The following RALYL variants were observed in gnomAD, a reference collection of about 807,000 sequenced individuals.
RALYL encodes the protein RALY RNA binding protein like.
Under a neutral mutation model 35.1 loss-of-function variants are expected in RALYL, and 29 were observed. That is an observed-to-expected ratio of 0.83 (90% confidence interval 0.61 to 1.13). The LOEUF (loss-of-function observed/expected upper bound fraction) is 1.13, where lower values mean the gene tolerates loss of function less well. RALYL is among the 50% of genes most tolerant of loss of function. The pLI, the probability that RALYL is intolerant of heterozygous loss-of-function variation, is 0.00. For synonymous variants in RALYL, 120 were observed against 127.6 expected (o/e 0.94, Z 0.40); for missense variants, 359 against 360.4 (o/e 1.00, Z 0.03).
intron 1 of RALYL, among the ~76,000 whole-genome samples, chr8:84,487,042 T>G (rs1048682173): frequency 2.6e-5 from 4 of 152,030 alleles, no homozygotes; most frequent in African/African-American, 9.7e-5. Context: ...CTGTGCCAAG[T>G]GGGTTTAAAG....
intron 1 of RALYL, among the ~76,000 whole-genome samples, chr8:84,493,659 T>C (rs2055610595): frequency 6.6e-6 from 1 of 152,218 alleles, no homozygotes; most frequent in South Asian, 2.1e-4. Context: ...ATTTCCCTAA[T>C]GATAAGTGCT....
chr8:84,806,843 C>T (rs1824749336), intron 4 of RALYL, among the ~76,000 whole-genome samples: 1 of 152,078 alleles, frequency 6.6e-6, no homozygotes, highest in Non-Finnish European at 1.5e-5. Flanking sequence ...GAAACATCAT[C>T]TCTACAAAAA....
At chr8:84,657,868 C>T (rs749013721) in intron 2 of RALYL, among the ~76,000 whole-genome samples, 3 of 152,090 alleles carry the variant, frequency 2.0e-5, no homozygotes, top group Non-Finnish European at 4.4e-5. Flanking sequence ...GGAGATAGTT[C>T]ACCGTTTGAT....
intron 2 of RALYL, among the ~76,000 whole-genome samples, chr8:84,715,935 T>C (rs1286434130): frequency 6.6e-6 from 1 of 152,120 alleles, no homozygotes; most frequent in African/African-American, 2.4e-5. Context: ...TCATTTGTAT[T>C]TAAAATAAAA....
intron 1 of RALYL, among the ~76,000 whole-genome samples, chr8:84,310,229 A>T (rs1842512780): frequency 1.3e-5 from 2 of 151,348 alleles, no homozygotes; most frequent in South Asian, 4.2e-4. Flanking sequence ...TTTTGTAGAG[A>T]TGGGTTTCAC....
rs956771726 is a variant in RALYL at position 84,186,067 on chromosome 8, C to T, written c.-24+1643C>T. 5.3e-5 allele frequency among the ~76,000 whole-genome samples: 8 copies of T among 152,174 alleles called. No individual in the cohort carries two copies. The South Asian group carries it at 8.3e-4, about 16-fold the overall frequency. On this transcript the variant is annotated intron_variant, in intron 1 of 8. Transcript: ENST00000521268. ...TTGGACATTTCATTGTATTTCCTGG[C>T]GGGGAAATACAATGTATGTGAGTTA...
chr8:84,867,985 A>G (rs568136339), intron 6 of RALYL, among the ~76,000 whole-genome samples: 56 of 152,294 alleles, frequency 3.7e-4, no homozygotes, highest in Non-Finnish European at 6.8e-4. Context: ...GAACATTTTT[A>G]CTATTTCTCT....
chr8:84,265,864 C>A (rs1833199455), intron 1 of RALYL, among the ~76,000 whole-genome samples: 2 of 152,148 alleles, frequency 1.3e-5, no homozygotes, highest in South Asian at 4.1e-4. Context: ...TGAGATATTG[C>A]AATATTTGAG....
intron 2 of RALYL, among the ~76,000 whole-genome samples, chr8:84,552,631 C>T (rs2060824968): frequency 6.6e-6 from 1 of 151,696 alleles, no homozygotes; most frequent in Admixed American, 6.6e-5. Flanking sequence ...TTTGACCCTA[C>T]TTAGTCTTAG....
At chr8:84,193,755 A>T (rs1470981495) in intron 1 of RALYL, among the ~76,000 whole-genome samples, 1 of 152,238 alleles carries the variant, frequency 6.6e-6, no homozygotes, top group Non-Finnish European at 1.5e-5. Flanking sequence ...TAGTCAACAC[A>T]GTTACATCAC....
chr8:84,770,370 G>A (rs953628742), intron 2 of RALYL, among the ~76,000 whole-genome samples: 13 of 151,856 alleles, frequency 8.6e-5, no homozygotes, highest in African/African-American at 2.4e-4. Context: ...GCAAATGGCA[G>A]TAATTTGTTC....
chr8:84,517,118 C>A (rs1330571839), intron 1 of RALYL, among the ~76,000 whole-genome samples: 1 of 152,090 alleles, frequency 6.6e-6, no homozygotes, highest in Non-Finnish European at 1.5e-5. Flanking sequence ...AACACTGTTA[C>A]CTGAGTGCAT....
intron 4 of RALYL, 23 bp downstream of exon 4, chr8:84,804,825 T>A: frequency 9.8e-7 from 1 of 1,025,020 alleles, no homozygotes; most frequent in Non-Finnish European, 1.3e-6. Flanking sequence ...TTAAATACTT[T>A]AAGTATTAAT....
At chr8:84,784,992 G>A (rs957198588) in intron 3 of RALYL, among the ~76,000 whole-genome samples, 4 of 151,974 alleles carry the variant, frequency 2.6e-5, no homozygotes, top group Non-Finnish European at 5.9e-5. Context: ...CCAACTCTGA[G>A]AGTTGACATC....
chr8:84,660,665 A>C (rs1007980709), intron 2 of RALYL, among the ~76,000 whole-genome samples: 5 of 151,976 alleles, frequency 3.3e-5, no homozygotes, highest in Non-Finnish European at 5.9e-5. Flanking sequence ...TTCAACTTAA[A>C]GATACCTTTT....
rs148366993 is a variant in RALYL at position 84,524,776 on chromosome 8, G to A, written c.-23-4523G>A. On this transcript the variant is annotated intron_variant, in intron 1 of 8. Coordinates refer to ENST00000521268, the MANE Select transcript of RALYL (RefSeq NM_173848.7). Reference sequence around the variant, plus strand: ...ATTTTACAGAGCATTTACCACCTCAGCCTGATATTTCCGGAATGAACCCTT... The same window carrying A: ...ATTTTACAGAGCATTTACCACCTCAACCTGATATTTCCGGAATGAACCCTT... Among the ~76,000 whole-genome samples, 777 of 152,056 alleles carry A rather than the reference G, an allele frequency of 5.1e-3. 8 individuals are homozygous for A. The highest frequency in any genetic ancestry group is 0.018 in the African/African-American group (731 of 41,478).
chr8:84,273,391 C>T (rs1406100183), intron 1 of RALYL, among the ~76,000 whole-genome samples: 1 of 152,222 alleles, frequency 6.6e-6, no homozygotes, highest in African/African-American at 2.4e-5. Flanking sequence ...AGCTGGTTTC[C>T]CTCAGAGCAA....
At chr8:84,186,340 T>G (rs1205668823) in intron 1 of RALYL, among the ~76,000 whole-genome samples, 1 of 152,178 alleles carries the variant, frequency 6.6e-6, no homozygotes, top group African/African-American at 2.4e-5. Context: ...AAAAAGCCAC[T>G]TGCAACATTC....
intron 1 of RALYL, among the ~76,000 whole-genome samples, chr8:84,230,725 T>C (rs7826488): frequency 0.69 from 105,369 of 152,102 alleles, 36,708 homozygotes; most frequent in African/African-American, 0.76. Flanking sequence ...ATGCCAAGCA[T>C]TGTGCTAAGT....
Sources: gnomAD v4.1 joint callset for allele counts (sites outside exome capture counted in the v4.1 genomes callset) on GRCh38, gnomAD v4.1.1 for gene constraint, MANE v1.5 for transcripts, NCBI Gene and HGNC (gene_info 2026-07-23, HGNC 2026-07-21) for gene names.